Variants in NEGR1 observed in about 807,000 individuals in gnomAD.
NEGR1 encodes IgLON family member 4.
In NEGR1, 10 loss-of-function variants were observed where a neutral mutation model predicts 40.9. The ratio of observed to expected loss-of-function variants is 0.24; its 90% CI spans 0.15 to 0.42. The LOEUF (loss-of-function observed/expected upper bound fraction) is 0.42. Among genes scored for constraint, NEGR1 ranks in the 10% least tolerant of loss-of-function variants. The pLI, the probability that NEGR1 is intolerant of heterozygous loss-of-function variation, is 1.00. For missense variants in NEGR1, 352 were observed against 438.9 expected (o/e 0.80, Z 1.77); for synonymous variants, 185 against 166.8 (o/e 1.11, Z -0.84).
intron 3 of NEGR1, among the ~76,000 whole-genome samples, chr1:71,718,809 C>T (rs1019057016): frequency 6.6e-6 from 1 of 152,038 alleles, no homozygotes; most frequent in East Asian, 1.9e-4. Context: ...TCTCATATTT[C>T]CCTTCATCCT....
At chr1:72,246,138 C>A (rs1654894840) in intron 1 of NEGR1, among the ~76,000 whole-genome samples, 1 of 152,114 alleles carries the variant, frequency 6.6e-6, no homozygotes, top group Non-Finnish European at 1.5e-5. Flanking sequence ...CTGTTCATTG[C>A]CTGCTTGCAA....
At chr1:71,496,148 C>A (rs1646961811) in intron 6 of NEGR1, among the ~76,000 whole-genome samples, 1 of 151,540 alleles carries the variant, frequency 6.6e-6, no homozygotes, top group East Asian at 1.9e-4. Context: ...GTGTGGTGAC[C>A]CTGTCAAGTT....
chr1:71,772,723 T>TA (rs1442394288), intron 3 of NEGR1, among the ~76,000 whole-genome samples: 5 of 152,096 alleles, frequency 3.3e-5, no homozygotes, highest in Admixed American at 1.3e-4. Context: ...TATCTAGAGA[T>TA]AAAAAACACC....
intron 4 of NEGR1, among the ~76,000 whole-genome samples, chr1:71,649,916 A>C (rs1651655797): frequency 6.6e-6 from 1 of 152,132 alleles, no homozygotes; most frequent in African/African-American, 2.4e-5. Flanking sequence ...GGATTGGCAA[A>C]GGATGAACTC....
chr1:71,925,993 T>C lies in NEGR1; in HGVS notation c.409+9086A>G, dbSNP rs186362377. The stretch of plus-strand genomic sequence containing the variant: ...TATACTCCAAGATAGGCAACAAATA[T>C]AACCACTTTCCAATACAGATTTCAC... On this transcript the variant is annotated intron_variant, in intron 2 of 6. Transcript: ENST00000357731. 3.7e-4 allele frequency among the ~76,000 whole-genome samples: 56 copies of C among 152,228 alleles called. No homozygotes were observed. In the East Asian group the frequency reaches 0.01, roughly 28 times the overall value.
chr1:71,596,026 C>T (rs1649698221), intron 5 of NEGR1, among the ~76,000 whole-genome samples: 1 of 128,274 alleles, frequency 7.8e-6, no homozygotes, highest in Non-Finnish European at 1.6e-5. Context: ...CCCTGCCAAA[C>T]CCTGCCCCTC....
At chr1:72,147,415 G>C (rs1650950392) in intron 1 of NEGR1, among the ~76,000 whole-genome samples, 1 of 151,994 alleles carries the variant, frequency 6.6e-6, no homozygotes, top group Non-Finnish European at 1.5e-5. Context: ...AGAATAGCAA[G>C]GAAAAGGCCA....
chr1:71,658,091 C>G (rs1422605606), intron 4 of NEGR1, among the ~76,000 whole-genome samples: 2 of 152,184 alleles, frequency 1.3e-5, no homozygotes, highest in African/African-American at 4.8e-5. Context: ...GCCTCTTGCT[C>G]TATGCATTCA....
At chr1:71,776,038 TAAATGCATTCTGCCTACCGCATG>T (rs1272823051) in intron 3 of NEGR1, 111 bp downstream of exon 3, 3 of 307,910 alleles carry the variant, frequency 9.7e-6, no homozygotes, top group Non-Finnish European at 1.8e-5. Context: ...AATAAATAAA[TAAATGCATTCTGCCTACCGCATG>T]AATAAAATAC....
At chr1:72,154,690 T>G (rs1651295264) in intron 1 of NEGR1, among the ~76,000 whole-genome samples, 2 of 152,076 alleles carry the variant, frequency 1.3e-5, no homozygotes, top group African/African-American at 4.8e-5. Context: ...TGACATATTC[T>G]TATTACATCT....
At chr1:72,252,860 C>T (rs1655149791) in intron 1 of NEGR1, among the ~76,000 whole-genome samples, 1 of 152,074 alleles carries the variant, frequency 6.6e-6, no homozygotes, top group African/African-American at 2.4e-5. Flanking sequence ...TCTGTTCACA[C>T]CTCTGAACAG....
intron 6 of NEGR1, among the ~76,000 whole-genome samples, chr1:71,576,209 A>G (rs1648961819): frequency 6.6e-6 from 1 of 152,198 alleles, no homozygotes; most frequent in African/African-American, 2.4e-5. Context: ...TGACTCTTCC[A>G]ACTGGCAGGA....
At chr1:72,045,291 A>G (rs903901275) in intron 1 of NEGR1, among the ~76,000 whole-genome samples, 2 of 151,822 alleles carry the variant, frequency 1.3e-5, no homozygotes, top group Admixed American at 1.3e-4. Context: ...CAAATCATCA[A>G]TTGGAAACTA....
chr1:71,896,216 T>C (rs1423640334), intron 2 of NEGR1, among the ~76,000 whole-genome samples: 1 of 152,028 alleles, frequency 6.6e-6, no homozygotes, highest in Non-Finnish European at 1.5e-5. Context: ...TTTTGTGTTT[T>C]TAGTAGAGAT....
intron 2 of NEGR1, among the ~76,000 whole-genome samples, chr1:71,913,161 G>A (rs1661468339): frequency 6.6e-6 from 1 of 151,912 alleles, no homozygotes; most frequent in African/African-American, 2.4e-5. Context: ...TGTCACCCAG[G>A]CTGGAGTGCA....
chr1:71,472,517 A>G (rs1316265357), intron 6 of NEGR1: 1 of 152,112 alleles, frequency 6.6e-6, no homozygotes, highest in African/African-American at 2.4e-5. Flanking sequence ...TAGTACTCCA[A>G]GATATTTTAG....
intron 6 of NEGR1, among the ~76,000 whole-genome samples, chr1:71,469,771 C>T (rs1025914605): frequency 1.3e-5 from 2 of 151,822 alleles, no homozygotes; most frequent in Admixed American, 1.3e-4. Flanking sequence ...TTTTGTGTCC[C>T]CAAATTATTA....
At chr1:71,990,068 CT>C (rs1646436298) in intron 1 of NEGR1, among the ~76,000 whole-genome samples, 1 of 152,074 alleles carries the variant, frequency 6.6e-6, no homozygotes, top group Non-Finnish European at 1.5e-5. Context: ...ACTTTTCTTT[CT>C]GTATAAAATA....
At chr1:71,508,801 C>T (rs1156900303) in intron 6 of NEGR1, among the ~76,000 whole-genome samples, 2 of 152,140 alleles carry the variant, frequency 1.3e-5, no homozygotes, top group Non-Finnish European at 2.9e-5. Context: ...AGGGGCTCCC[C>T]GCCAGATAAC....
Sources: allele counts gnomAD v4.1 joint callset (sites outside exome capture counted in the v4.1 genomes callset), GRCh38; gene constraint gnomAD v4.1.1; transcripts MANE v1.5; gene names NCBI Gene and HGNC (gene_info 2026-07-23, HGNC 2026-07-21).